Variants in NCOA3 observed in about 807,000 individuals in gnomAD.
NCOA3 encodes the protein nuclear receptor coactivator 3, also known as CBP-interacting protein.
Under a neutral mutation model 158.8 loss-of-function variants are expected in NCOA3, and 51 were observed. That is an observed-to-expected ratio of 0.32 (90% CI 0.26 to 0.41). The LOEUF is 0.41. Ranked by LOEUF, NCOA3 falls within the 10% of genes least tolerant of loss-of-function variation. NCOA3 has a pLI of 1.00. For synonymous variants in NCOA3, 537 were observed against 592.4 expected (o/e 0.91, Z 1.36); for missense variants, 1,510 against 1,746.6 (o/e 0.86, Z 2.41).
intron 2 of NCOA3, among the ~76,000 whole-genome samples, chr20:47,595,752 GCTC>G (rs1369442373): frequency 6.6e-6 from 1 of 151,572 alleles, no homozygotes; most frequent in Non-Finnish European, 1.5e-5. Flanking sequence ...TTAATTTCTA[GCTC>G]CACCACTTAC....
chr20:47,642,088 TTTA>T, intron 16 of NCOA3, 122 bp from the exon 17 acceptor site: 1 of 751,118 alleles, frequency 1.3e-6, no homozygotes, highest in South Asian at 2.2e-5. Flanking sequence ...TACCACTTGG[TTTA>T]TTATTTGTGT....
rs376463506 is a variant in NCOA3 at position 47,653,080 on chromosome 20, A to G, written c.4263+8A>G. The G allele has an allele frequency of 8.0e-5, 129 of 1,613,778 alleles. No individual in the cohort carries two copies. Among genetic ancestry groups the G allele is most frequent in the Admixed American group, 1.2e-4 (7 of 59,920 alleles). ...CCTATGGGTCCTGATCAGGTATGGG[A>G]TCGATTCCTTACCTTTTTCAAAAAG... On this transcript the variant is annotated splice_region_variant and intron_variant, in intron 22 of 22. Coordinates refer to ENST00000371998, the MANE Select transcript of NCOA3 (RefSeq NM_181659.3).
chr20:47,570,939 T>TATATACACACACAC (rs369516174), intron 1 of NCOA3, among the ~76,000 whole-genome samples: 43 of 114,968 alleles, frequency 3.7e-4, no homozygotes, highest in African/African-American at 1.5e-3. Flanking sequence ...GTAATATATA[T>TATATACACACACAC]ACACACACAC....
intron 2 of NCOA3, among the ~76,000 whole-genome samples, chr20:47,619,872 T>G (rs2086206073): frequency 6.6e-6 from 1 of 152,010 alleles, no homozygotes; most frequent in African/African-American, 2.4e-5. Flanking sequence ...CTCAGCTCAC[T>G]GCAACCTCCG....
At chr20:47,651,808 G>A (rs182281109) in intron 20 of NCOA3, among the ~76,000 whole-genome samples, 18 of 151,724 alleles carry the variant, frequency 1.2e-4, no homozygotes, top group Non-Finnish European at 2.4e-4. Flanking sequence ...GACTACAGGT[G>A]CATTCCACCA....
rs3830809 is a variant in NCOA3, at chr20:47,651,092, ACAGCAG to A, written c.3786_3791del (p.Gln1275_Gln1276del). 3.4e-4 allele frequency: 489 copies of A among 1,425,992 alleles called. 1 individual carries two copies. Among genetic ancestry groups the A allele is most frequent in the East Asian group, 5.0e-4 (21 of 41,778 alleles). The allele number at this position is 1,425,992 out of a possible 1,614,324, so 88.3% of individuals were successfully genotyped here. ...TGATGCAGCAGCAGCAGCAGCAGCA[ACAGCAG>A]CAGCAGCAGCAGCAGCAGCAGCAAC... is the stretch of plus-strand genomic sequence containing the variant. On this transcript the variant is annotated inframe_deletion, in exon 20 of 23. Coordinates refer to ENST00000371998, the MANE Select transcript of NCOA3 (RefSeq NM_181659.3).
intron 1 of NCOA3, among the ~76,000 whole-genome samples, chr20:47,558,697 G>A (rs895421406): frequency 2.0e-5 from 3 of 151,826 alleles, no homozygotes; most frequent in African/African-American, 7.3e-5. Flanking sequence ...TCATTGTTTG[G>A]CATTGGTTCA....
At chr20:47,515,473 T>TTTC (rs1041018378) in intron 1 of NCOA3, among the ~76,000 whole-genome samples, 4 of 111,858 alleles carry the variant, frequency 3.6e-5, no homozygotes, top group East Asian at 2.6e-4. Flanking sequence ...TCTTTCTTTC[T>TTTC]TTTTTTTTTT....
In NCOA3 at chr20:47,570,984, A is replaced by ATGTGTGTGTGTGTGTGTGTGTGTG. The variant is rs74178747; in HGVS notation, c.-98-12180_-98-12179insGTGTGTGTGTGTGTGTGTGTGTGT. ...CACACACACACAAGTATATACATAT[A>ATGTGTGTGTGTGTGTGTGTGTGTG]TGTGTGTGTGTGTGTGTGTATATAC... On this transcript the variant is annotated intron_variant, in intron 1 of 22. Coordinates refer to ENST00000371998, the MANE Select transcript of NCOA3 (RefSeq NM_181659.3). Among the ~76,000 whole-genome samples, 161 of 120,842 alleles carry ATGTGTGTGTGTGTGTGTGTGTGTG rather than the reference A, an allele frequency of 1.3e-3. 1 individual carries two copies. Among genetic ancestry groups the ATGTGTGTGTGTGTGTGTGTGTGTG allele is most frequent in the African/African-American group, 5.0e-3 (150 of 30,238 alleles). 79.3% of individuals were successfully genotyped at this position (120,842 alleles called of 152,430 possible).
rs1222721220 is a variant in NCOA3, at chr20:47,501,965, C to T, written c.-153C>T. ...GGTGGCGGCCGGCGGCGGCTGCGGGCTGAGCGGCGAGTTTCCGATTTAAAG... is the reference window on the plus strand; with the variant it reads ...GGTGGCGGCCGGCGGCGGCTGCGGGTTGAGCGGCGAGTTTCCGATTTAAAG... On this transcript the variant is annotated 5_prime_UTR_variant, in exon 1 of 23. Coordinates refer to ENST00000371998, the MANE Select transcript of NCOA3 (RefSeq NM_181659.3). The T allele has an allele frequency of 4.5e-5, 18 of 399,720 alleles. No homozygotes were observed. Among genetic ancestry groups the T allele is most frequent in the Non-Finnish European group, 2.6e-5 (6 of 226,938 alleles). The allele number at this position is 399,720 out of a possible 1,614,324, so 24.8% of individuals were successfully genotyped here. A position where few individuals can be genotyped will look rare whatever the true frequency, so the allele number is the denominator to read the frequency against.
At chr20:47,567,683 C>T (rs149723536) in intron 1 of NCOA3, among the ~76,000 whole-genome samples, 10,320 of 152,188 alleles carry the variant, frequency 0.068, 450 homozygotes, top group Non-Finnish European at 0.097. Flanking sequence ...GATTCTCTTG[C>T]CTCAGCCTCA....
At chr20:47,505,612 A>G (rs1683809608) in intron 1 of NCOA3, among the ~76,000 whole-genome samples, 1 of 152,050 alleles carries the variant, frequency 6.6e-6, no homozygotes. Context: ...TGGTATAAAT[A>G]TTTGTTTTTT....
At chr20:47,521,380 T>C (rs1469757283) in intron 1 of NCOA3, among the ~76,000 whole-genome samples, 1 of 152,054 alleles carries the variant, frequency 6.6e-6, no homozygotes, top group Non-Finnish European at 1.5e-5. Context: ...AATTTACTCT[T>C]ATAGAAGGAT....
At chr20:47,522,249 C>T (rs1484374108) in intron 1 of NCOA3, among the ~76,000 whole-genome samples, 2 of 151,426 alleles carry the variant, frequency 1.3e-5, no homozygotes, top group Admixed American at 6.6e-5. Context: ...ACTACAGGTG[C>T]CCGCCACCAC....
At chr20:47,625,235 G>A in intron 4 of NCOA3, 146 bp from the exon 5 acceptor site, 1 of 594,930 alleles carries the variant, frequency 1.7e-6, no homozygotes, top group Admixed American at 3.0e-5. Flanking sequence ...TAATATTGTA[G>A]CATCATTCTC....
chr20:47,627,068 A>C lies in NCOA3; in HGVS notation c.424A>C (p.Thr142Pro). 1 of 1,613,346 alleles carries C rather than the reference A, an allele frequency of 6.2e-7. No individual in the cohort carries two copies. The highest frequency in any genetic ancestry group is 8.5e-7 in the Non-Finnish European group (1 of 1,179,340). ...CATTGTATTTGTATCAGAAAATGTC[A>C]CACAATACCTGCAATATAAGCAAGA... is the stretch of plus-strand genomic sequence containing the variant. ...GNIVFVSENV[T>P]QYLQYKQEDL... Residue 142 changes from threonine to proline, a missense_variant, in exon 6 of 23, where the codon ACA becomes CCA. By Grantham distance (38) the Thr-to-Pro change is conservative. Transcript: ENST00000371998.
At chr20:47,565,162 G>A (rs756201817) in intron 1 of NCOA3, among the ~76,000 whole-genome samples, 26 of 152,036 alleles carry the variant, frequency 1.7e-4, no homozygotes, top group African/African-American at 6.3e-4. Flanking sequence ...TGTATTTTTA[G>A]TAGAGACGAG....
intron 1 of NCOA3, among the ~76,000 whole-genome samples, chr20:47,577,404 G>A (rs1272047277): frequency 6.6e-6 from 1 of 152,140 alleles, no homozygotes; most frequent in Non-Finnish European, 1.5e-5. Flanking sequence ...GATTTGTCTT[G>A]CTTTCACATG....
chr20:47,537,816 T>C (rs938011586), intron 1 of NCOA3, among the ~76,000 whole-genome samples: 2 of 152,022 alleles, frequency 1.3e-5, no homozygotes, highest in African/African-American at 4.8e-5. Context: ...CCTGACCTGG[T>C]TGTGATCTGC....
Sources: gnomAD v4.1 joint callset for allele counts (sites outside exome capture counted in the v4.1 genomes callset) on GRCh38, gnomAD v4.1.1 for gene constraint, MANE v1.5 for transcripts, NCBI Gene and HGNC (gene_info 2026-07-23, HGNC 2026-07-21) for gene names.